Variants in SPHKAP observed in about 807,000 individuals in gnomAD.
SPHKAP encodes the protein SPHK1 interactor, AKAP domain containing, also known as A-kinase anchor protein SPHKAP.
In SPHKAP, 67 loss-of-function variants were observed where a neutral mutation model predicts 137.5. The observed-to-expected ratio is 0.49, with a 90% CI of 0.40 to 0.60. The LOEUF (loss-of-function observed/expected upper bound fraction) is 0.60, where lower values mean the gene tolerates loss of function less well. SPHKAP is among the 20% of genes least tolerant of loss of function. The pLI is 0.00. For synonymous variants in SPHKAP, 813 were observed against 785.3 expected (o/e 1.04, Z -0.59); for missense variants, 2,097 against 2,069.3 (o/e 1.01, Z -0.26).
At chr2:228,154,924 A>G (rs1700064677) in intron 1 of SPHKAP, among the ~76,000 whole-genome samples, 1 of 151,582 alleles carries the variant, frequency 6.6e-6, no homozygotes, top group Non-Finnish European at 1.5e-5. Flanking sequence ...ACCCAAGAAA[A>G]CCATTTTTAA....
At chr2:228,027,434 T>G in intron 4 of SPHKAP, 50 bp downstream of exon 4, 1 of 1,574,548 alleles carries the variant, frequency 6.4e-7, no homozygotes, top group Non-Finnish European at 8.7e-7. Flanking sequence ...GAAATCAAGT[T>G]GAATAGTCCT....
At chr2:228,126,927 A>C (rs1353912898) in intron 2 of SPHKAP, among the ~76,000 whole-genome samples, 1 of 152,176 alleles carries the variant, frequency 6.6e-6, no homozygotes, top group Non-Finnish European at 1.5e-5. Flanking sequence ...GTCAATTTGC[A>C]ATTTTTTTCA....
chr2:228,180,701 C>G (rs1040734534), intron 1 of SPHKAP, among the ~76,000 whole-genome samples: 3 of 152,218 alleles, frequency 2.0e-5, no homozygotes, highest in Non-Finnish European at 4.4e-5. Flanking sequence ...GCGCAAAGAG[C>G]GCAAAGGCCA....
At chr2:228,058,931 C>A (rs1198618796) in intron 3 of SPHKAP, among the ~76,000 whole-genome samples, 1 of 152,218 alleles carries the variant, frequency 6.6e-6, no homozygotes, top group Non-Finnish European at 1.5e-5. Flanking sequence ...TTCTCTGATG[C>A]TTGCCTTTCA....
chr2:228,179,986 G>C (rs1180200833), intron 1 of SPHKAP, among the ~76,000 whole-genome samples: 2 of 152,174 alleles, frequency 1.3e-5, no homozygotes, highest in African/African-American at 4.8e-5. Context: ...ATTTGCCCTA[G>C]ACAGTAGAAT....
At chr2:228,097,647 T>G (rs1698027470) in intron 3 of SPHKAP, among the ~76,000 whole-genome samples, 1 of 152,186 alleles carries the variant, frequency 6.6e-6, no homozygotes, top group Non-Finnish European at 1.5e-5. Context: ...GTTTTCCATC[T>G]CTTGCCTCTT....
intron 3 of SPHKAP, among the ~76,000 whole-genome samples, chr2:228,098,444 G>C (rs1387615589): frequency 2.0e-5 from 3 of 151,464 alleles, no homozygotes; most frequent in Admixed American, 6.6e-5. Flanking sequence ...AAAAAATGAT[G>C]AGTTCATGTC....
Position 228,109,951 on chromosome 2 carries a change from T to TCA in SPHKAP, c.139-1013_139-1012insTG, listed in dbSNP as rs1698466320. ...CCAGCTTGGGCAACAAGAGTGAAAA[T>TCA]GTCTCAAAAAAAAAAAAAAAAAAAA... On this transcript the variant is annotated intron_variant, in intron 2 of 11. Coordinates refer to ENST00000392056, the MANE Select transcript of SPHKAP (RefSeq NM_001142644.2). Among the ~76,000 whole-genome samples, 4 of 66,928 alleles carry TCA rather than the reference T, an allele frequency of 6.0e-5. No individual in the cohort carries two copies. The South Asian group carries it at 1.7e-3, about 29-fold the overall frequency. The allele number at this position is 66,928 out of a possible 152,430, so 43.9% of individuals were successfully genotyped here. A position where few individuals can be genotyped will look rare whatever the true frequency, so the allele number is the denominator to read the frequency against.
At chr2:228,070,894 G>C (rs1490505401) in intron 3 of SPHKAP, among the ~76,000 whole-genome samples, 1 of 152,054 alleles carries the variant, frequency 6.6e-6, no homozygotes, top group Admixed American at 6.6e-5. Context: ...CATTATGTTT[G>C]GGAACAAATA....
rs1429441879 is a variant in SPHKAP at position 227,980,958 on chromosome 2, A to C, written c.*759T>G. 1.2e-4 allele frequency: 18 copies of C among 152,246 alleles called. No homozygotes were observed. Among genetic ancestry groups the C allele is most frequent in the Admixed American group, 1.2e-3 (18 of 15,274 alleles). 9.4% of individuals were successfully genotyped at this position (152,246 alleles called of 1,614,324 possible). ...GAAAAGACTTTTTTTTAAATATGAA[A>C]GCTTTCTCTTAGGATAAGAATTATG... On this transcript the variant is annotated 3_prime_UTR_variant, in exon 12 of 12. Coordinates refer to ENST00000392056, the MANE Select transcript of SPHKAP (RefSeq NM_001142644.2).
chr2:227,989,454 T>A (rs1693330963), intron 11 of SPHKAP, among the ~76,000 whole-genome samples: 1 of 152,078 alleles, frequency 6.6e-6, no homozygotes, highest in Non-Finnish European at 1.5e-5. Context: ...ATAGGCAGGA[T>A]CCTAAAACAG....
At chr2:228,060,709 A>C (rs1318942713) in intron 3 of SPHKAP, among the ~76,000 whole-genome samples, 1 of 152,204 alleles carries the variant, frequency 6.6e-6, no homozygotes, top group Non-Finnish European at 1.5e-5. Context: ...TCCATAAGGC[A>C]TCTAATGTTG....
chr2:228,110,544 A>G (rs1288624933), intron 2 of SPHKAP, among the ~76,000 whole-genome samples: 2 of 152,212 alleles, frequency 1.3e-5, no homozygotes, highest in Non-Finnish European at 2.9e-5. Flanking sequence ...TGGTTCTTAA[A>G]GCATGGGCTA....
Position 228,021,980 on chromosome 2 carries a change from GA to G in SPHKAP, c.442-15del. ...CAGCCAAGGGCACTAAAAGTGGAGAGAAAAGAAGGCATTTATTCAAAAGGGA... is the reference window on the plus strand; with the variant it reads ...CAGCCAAGGGCACTAAAAGTGGAGAGAAAGAAGGCATTTATTCAAAAGGGA... On this transcript the variant is annotated splice_polypyrimidine_tract_variant and intron_variant, in intron 5 of 11. Transcript: ENST00000392056. The G allele has an allele frequency of 1.9e-6, 3 of 1,564,460 alleles. No individual in the cohort carries two copies. Among genetic ancestry groups the G allele is most frequent in the Non-Finnish European group, 2.6e-6 (3 of 1,158,836 alleles).
chr2:228,023,809 G>C (rs55712397), intron 5 of SPHKAP, among the ~76,000 whole-genome samples: 25,779 of 152,186 alleles, frequency 0.17, 2,407 homozygotes, highest in East Asian at 0.39. Context: ...TCCAGCGCCA[G>C]GGGTGATCAT....
intron 1 of SPHKAP, among the ~76,000 whole-genome samples, chr2:228,140,812 C>G (rs1030313399): frequency 6.6e-6 from 1 of 152,048 alleles, no homozygotes; most frequent in Non-Finnish European, 1.5e-5. Flanking sequence ...ACCCCCCTCT[C>G]GCTCTCTTCT....
At chr2:228,109,474 C>T (rs1037277832) in intron 2 of SPHKAP, 2 of 623,356 alleles carry the variant, frequency 3.2e-6, no homozygotes, top group African/African-American at 4.0e-5. Flanking sequence ...AAACAAATTA[C>T]ATTAAATACC....
At position 228,045,027 on chromosome 2, in the gene SPHKAP, G is replaced by A. The variant is rs201129933; in HGVS notation, c.247-17484C>T. On this transcript the variant is annotated intron_variant, in intron 3 of 11. Transcript: ENST00000392056. ...CATCATCACTGGCCATCAGAGAAAT[G>A]CAAATCAAAACCACGATGAGATACC... Among the ~76,000 whole-genome samples the A allele has an allele frequency of 2.0e-4, 30 of 152,054 alleles. No homozygotes were observed. In the East Asian group the frequency reaches 5.8e-3, roughly 29 times the overall value.
chr2:228,120,945 TG>T (rs985872895), intron 2 of SPHKAP, among the ~76,000 whole-genome samples: 3 of 152,204 alleles, frequency 2.0e-5, no homozygotes, highest in African/African-American at 7.2e-5. Context: ...GCTGATTAAT[TG>T]TTATTTAGAG....
Sources: gnomAD v4.1 joint callset for allele counts (sites outside exome capture counted in the v4.1 genomes callset) on GRCh38, gnomAD v4.1.1 for gene constraint, MANE v1.5 for transcripts, NCBI Gene and HGNC (gene_info 2026-07-23, HGNC 2026-07-21) for gene names.